The following ADGRF1 variants were observed in gnomAD, a reference collection of about 807,000 sequenced individuals.
The protein encoded by ADGRF1 is adhesion G protein-coupled receptor F1.
A neutral mutation model predicts 87.2 loss-of-function variants in ADGRF1; 85 were observed. The observed-to-expected ratio is 0.97, with a 90% CI of 0.82 to 1.17. ADGRF1 has a LOEUF of 1.17. Among genes scored for constraint, ADGRF1 ranks in the 50% most tolerant of loss-of-function variants. The pLI, the probability that ADGRF1 is intolerant of heterozygous loss-of-function variation, is 0.00. For missense variants in ADGRF1, 1,169 were observed against 1,077.2 expected (o/e 1.09, Z -1.19); for synonymous variants, 430 against 408.8 (o/e 1.05, Z -0.63).
chr6:47,033,338 T>C (rs1475776634), intron 1 of ADGRF1, among the ~76,000 whole-genome samples: 1 of 152,248 alleles, frequency 6.6e-6, no homozygotes, highest in Non-Finnish European at 1.5e-5. Flanking sequence ...GGCTGGCTGT[T>C]GTCTCCCTAT....
At chr6:47,021,935 T>C (rs1408947686) in intron 6 of ADGRF1, 23 bp downstream of exon 6, 3 of 1,261,826 alleles carry the variant, frequency 2.4e-6, no homozygotes, top group Admixed American at 3.7e-5. Flanking sequence ...CGATTCCTTA[T>C]ATAATAAGTA....
At chr6:47,011,679 G>A (rs1779711529) in intron 10 of ADGRF1, among the ~76,000 whole-genome samples, 1 of 152,182 alleles carries the variant, frequency 6.6e-6, no homozygotes, top group Non-Finnish European at 1.5e-5. Context: ...CACTGTTCAA[G>A]TCTGAGCTTG....
chr6:47,024,358 A>G, intron 4 of ADGRF1, 141 bp from the exon 5 acceptor site: 1 of 652,188 alleles, frequency 1.5e-6, no homozygotes, highest in South Asian at 2.1e-5. Flanking sequence ...TTTGTTGCCT[A>G]GGCTAGAATA....
At chr6:47,031,355 C>CTCTCTG (rs1561881110) in intron 1 of ADGRF1, among the ~76,000 whole-genome samples, 1 of 119,576 alleles carries the variant, frequency 8.4e-6, no homozygotes, top group Non-Finnish European at 1.6e-5. Context: ...CTCTCTGTCT[C>CTCTCTG]TCTCTCTCTC....
At chr6:47,013,498 T>C (rs1779769204) in intron 9 of ADGRF1, 1 of 985,488 alleles carries the variant, frequency 1.0e-6, no homozygotes, top group Non-Finnish European at 1.2e-6. Flanking sequence ...TTCTGCTCAA[T>C]ATGGAAATCT....
intron 4 of ADGRF1, among the ~76,000 whole-genome samples, chr6:47,024,741 G>C (rs1358151640): frequency 1.3e-5 from 2 of 152,204 alleles, no homozygotes; most frequent in African/African-American, 4.8e-5. Context: ...CCAAAAGCTA[G>C]AAGGATGAAA....
At chr6:47,018,315 A>G in intron 7 of ADGRF1, 2 of 1,088,396 alleles carry the variant, frequency 1.8e-6, no homozygotes, top group South Asian at 1.6e-5. Flanking sequence ...TATCATTCCC[A>G]TTTTATAGAT....
chr6:47,006,622 A>G (rs1779540581), intron 12 of ADGRF1, among the ~76,000 whole-genome samples: 1 of 152,148 alleles, frequency 6.6e-6, no homozygotes. Flanking sequence ...TGATGCACCC[A>G]TCACCTGAGC....
intron 1 of ADGRF1, among the ~76,000 whole-genome samples, chr6:47,040,437 A>T (rs1254275236): frequency 6.6e-6 from 1 of 152,154 alleles, no homozygotes; most frequent in Non-Finnish European, 1.5e-5. Flanking sequence ...ACGCCACTGC[A>T]CTCCAGCCTG....
At position 47,025,860 on chromosome 6, in the gene ADGRF1, T is replaced by A; in HGVS notation, c.271A>T (p.Thr91Ser). The change falls in exon 4 of 15, where the codon ACC becomes TCC. Residue 91 changes from threonine (T) to serine (S), a missense_variant. Physicochemically the swap from Thr to Ser is moderately conservative, Grantham distance 58. Transcript: ENST00000371253. ...GLIRIIRAKA[T>S]TDCNSLNGVL... ...TCACCGAGAGCCACCTTACCTGTGG[T>A]AGCCTTTGCTCTGATAATTCTAATT... 1 of 1,589,878 alleles carries A rather than the reference T, an allele frequency of 6.3e-7. No individual in the cohort carries two copies.
In ADGRF1 at chr6:47,014,795, A is replaced by G; in HGVS notation, c.813T>C (p.Tyr271=). The G allele has an allele frequency of 6.2e-7, 1 of 1,613,894 alleles. No individual in the cohort carries two copies. Among genetic ancestry groups the G allele is most frequent in the South Asian group, 1.1e-5 (1 of 91,060 alleles). Residue 271 remains tyrosine, a synonymous_variant, in exon 9 of 15, where the codon TAT becomes TAC. Transcript: ENST00000371253. The part of the protein sequence containing the change: ...VFGFGSKDDE[Y]TLPCSSGYRG... The stretch of plus-strand genomic sequence containing the variant: ...TGTAGCCACTGCTGCAGGGCAGGGT[A>G]TATTCATCATCCTTGGACCCAAATC...
intron 6 of ADGRF1, among the ~76,000 whole-genome samples, chr6:47,021,363 T>C (rs536773352): frequency 4.4e-5 from 6 of 135,360 alleles, no homozygotes; most frequent in African/African-American, 1.8e-4. Flanking sequence ...TAGATCATGA[T>C]TTTTTTTTGT....
intron 3 of ADGRF1, among the ~76,000 whole-genome samples, chr6:47,026,887 T>C (rs1780252586): frequency 6.6e-6 from 1 of 152,114 alleles, no homozygotes; most frequent in East Asian, 1.9e-4. Flanking sequence ...CACGCAGGTG[T>C]GCAGTGGGGA....
At chr6:47,014,479 T>A (rs1283999329) in intron 9 of ADGRF1, 2 of 1,309,504 alleles carry the variant, frequency 1.5e-6, no homozygotes, top group Non-Finnish European at 1.9e-6. Context: ...TCTTTTGAGC[T>A]GCAACCTAGA....
At chr6:47,036,649 G>C (rs964250277) in intron 1 of ADGRF1, among the ~76,000 whole-genome samples, 1 of 152,100 alleles carries the variant, frequency 6.6e-6, no homozygotes, top group Non-Finnish European at 1.5e-5. Flanking sequence ...TGGTTACACT[G>C]ATAAATCTTC....
intron 1 of ADGRF1, among the ~76,000 whole-genome samples, chr6:47,036,858 TC>T (rs992523463): frequency 5.3e-5 from 8 of 151,966 alleles, no homozygotes; most frequent in Admixed American, 5.2e-4. Context: ...TCAGAAACCA[TC>T]AAGATTCTAC....
intron 2 of ADGRF1, among the ~76,000 whole-genome samples, chr6:47,028,205 C>T (rs887425057): frequency 2.6e-5 from 4 of 152,178 alleles, no homozygotes; most frequent in Non-Finnish European, 4.4e-5. Context: ...AGCACAGAAG[C>T]AATGCGTGCA....
At position 47,008,945 on chromosome 6, in the gene ADGRF1, C is replaced by T. The variant is rs753315090; in HGVS notation, c.2490G>A (p.Gln830=). ...HVIFALLNAF[Q]GFFILCFGIL... ...AATAGGTTATTGTTACTGTTCTCAC[C>T]TGGAATGCATTGAGTAAAGCAAAAA... Residue 830 remains glutamine, a splice_region_variant and synonymous_variant, in exon 11 of 15, where the codon CAG becomes CAA. Transcript: ENST00000371253. The T allele has an allele frequency of 1.3e-6, 2 of 1,585,814 alleles. No homozygotes were observed. Among genetic ancestry groups the T allele is most frequent in the Non-Finnish European group, 8.6e-7 (1 of 1,163,070 alleles).
intron 1 of ADGRF1, among the ~76,000 whole-genome samples, chr6:47,037,762 C>A (rs114881595): frequency 0.053 from 8,016 of 152,292 alleles, 261 homozygotes; most frequent in African/African-American, 0.086. Context: ...ATCCTTCTTC[C>A]TTAGCCTCTC....
Sources: allele counts gnomAD v4.1 joint callset (sites outside exome capture counted in the v4.1 genomes callset), GRCh38; gene constraint gnomAD v4.1.1; transcripts MANE v1.5; gene names NCBI Gene and HGNC (gene_info 2026-07-23, HGNC 2026-07-21).